Variants in DLC1 observed in about 807,000 individuals in gnomAD.
The protein encoded by DLC1 is rho GTPase-activating protein 7.
In DLC1, 54 loss-of-function variants were observed where a neutral mutation model predicts 140.3. The observed-to-expected ratio is 0.38, with a 90% confidence interval of 0.31 to 0.48. The LOEUF is 0.48. Among genes scored for constraint, DLC1 ranks in the 20% least tolerant of loss-of-function variants. The pLI is 0.96. For missense variants in DLC1, 2,536 were observed against 1,907.0 expected (o/e 1.33, Z -6.14); for synonymous variants, 986 against 728.1 (o/e 1.35, Z -5.70).
chr8:13,410,716 T>G (rs147767361), intron 2 of DLC1, among the ~76,000 whole-genome samples: 99 of 152,284 alleles, frequency 6.5e-4, no homozygotes, highest in African/African-American at 2.4e-3. Context: ...GATATATACT[T>G]GCTCTGGAGA....
At chr8:13,371,542 T>C (rs1216061499) in intron 4 of DLC1, among the ~76,000 whole-genome samples, 1 of 151,644 alleles carries the variant, frequency 6.6e-6, no homozygotes, top group Non-Finnish European at 1.5e-5. Context: ...TCCTCAAACA[T>C]GCGGTGGACT....
intron 5 of DLC1, among the ~76,000 whole-genome samples, chr8:13,259,210 C>A (rs1195393892): frequency 6.6e-6 from 1 of 151,056 alleles, no homozygotes; most frequent in African/African-American, 2.4e-5. Context: ...CACTCCATCA[C>A]TCCAGTGGCA....
intron 1 of DLC1, among the ~76,000 whole-genome samples, chr8:13,534,933 C>G (rs1265916787): frequency 6.6e-6 from 1 of 151,528 alleles, no homozygotes; most frequent in Admixed American, 6.6e-5. Flanking sequence ...ACTCCTCTAA[C>G]TGATGTAGTA....
At chr8:13,495,448 A>AT (rs1289856409) in intron 2 of DLC1, among the ~76,000 whole-genome samples, 1 of 152,168 alleles carries the variant, frequency 6.6e-6, no homozygotes, top group Non-Finnish European at 1.5e-5. Context: ...TGCTGGTCAT[A>AT]TGTCACCCAA....
At chr8:13,322,403 C>A (rs1378051273) in intron 4 of DLC1, among the ~76,000 whole-genome samples, 2 of 152,114 alleles carry the variant, frequency 1.3e-5, no homozygotes, top group Non-Finnish European at 2.9e-5. Flanking sequence ...TTTGTTTGTA[C>A]CCCCATAAAC....
chr8:13,365,797 T>C (rs925293760), intron 4 of DLC1, among the ~76,000 whole-genome samples: 1 of 152,056 alleles, frequency 6.6e-6, no homozygotes, highest in African/African-American at 2.4e-5. Flanking sequence ...ATCACTCAAC[T>C]GCTAATGGAA....
At chr8:13,520,974 A>G (rs1802747532) in intron 1 of DLC1, among the ~76,000 whole-genome samples, 1 of 152,182 alleles carries the variant, frequency 6.6e-6, no homozygotes, top group African/African-American at 2.4e-5. Context: ...AGTATGTTCA[A>G]GAAATGTTCC....
At chr8:13,290,976 T>C (rs1015280421) in intron 5 of DLC1, among the ~76,000 whole-genome samples, 22 of 152,180 alleles carry the variant, frequency 1.4e-4, no homozygotes, top group African/African-American at 5.3e-4. Context: ...TGGCGCGATC[T>C]TGGCTCCCTG....
intron 2 of DLC1, among the ~76,000 whole-genome samples, chr8:13,459,461 C>A (rs996591888): frequency 1.3e-5 from 2 of 152,192 alleles, no homozygotes; most frequent in Non-Finnish European, 1.5e-5. Context: ...TTCCTCGTAG[C>A]TGTATAATGA....
At chr8:13,254,116 G>T (rs1830116281) in intron 5 of DLC1, among the ~76,000 whole-genome samples, 1 of 151,726 alleles carries the variant, frequency 6.6e-6, no homozygotes, top group Non-Finnish European at 1.5e-5. Context: ...TCGGAATGTT[G>T]TGGTCATCTC....
chr8:13,526,052 G>C (rs1019208517), intron 1 of DLC1, among the ~76,000 whole-genome samples: 15 of 152,090 alleles, frequency 9.9e-5, no homozygotes, highest in Admixed American at 2.6e-4. Flanking sequence ...ACATGCAATT[G>C]TTCCAAAACC....
At chr8:13,549,343 A>G (rs1803769149) in intron 1 of DLC1, among the ~76,000 whole-genome samples, 1 of 152,138 alleles carries the variant, frequency 6.6e-6, no homozygotes, top group Admixed American at 6.6e-5. Context: ...TTAGGAGCTC[A>G]TTATCCCAAG....
At chr8:13,214,568 T>C in intron 5 of DLC1, 1 of 661,458 alleles carries the variant, frequency 1.5e-6, no homozygotes, top group South Asian at 1.8e-5. Flanking sequence ...TTTTTTTTTT[T>C]TTTTTTGTGG....
At position 13,100,559 on chromosome 8, in the gene DLC1, G is replaced by C; in HGVS notation, c.1778C>G (p.Ser593Cys). Residue 593 changes from serine (S) to cysteine (C), a missense_variant, in exon 9 of 18, where the codon TCC becomes TGC. Coordinates refer to ENST00000276297, the MANE Select transcript of DLC1 (RefSeq NM_182643.3). ...MDLSERQEVS[S>C]VRSLSSTGSL... ...GCCAGTGCTGCTGAGGCTGCGGACG[G>C]AAGACACCTCCTGGCGCTCGCTGAG... 6.2e-7 allele frequency: 1 copy of C among 1,613,484 alleles called. No homozygotes were observed. Among genetic ancestry groups the C allele is most frequent in the Non-Finnish European group, 8.5e-7 (1 of 1,179,890 alleles).
In DLC1 at chr8:13,315,627, C is replaced by G. The variant is rs988248741; in HGVS notation, c.1315-10325G>C. Among the ~76,000 whole-genome samples the G allele has an allele frequency of 3.9e-5, 6 of 152,262 alleles. No individual in the cohort carries two copies. The South Asian group carries it at 8.3e-4, about 21-fold the overall frequency. ...CCTCTCTCCTTAAATCACAGGAGCC[C>G]AACTCAATTTCTTCTATTCCATTGA... On this transcript the variant is annotated intron_variant, in intron 4 of 17. Coordinates refer to ENST00000276297, the MANE Select transcript of DLC1 (RefSeq NM_182643.3).
chr8:13,175,469 G>A (rs1002263833), intron 5 of DLC1, among the ~76,000 whole-genome samples: 2 of 152,046 alleles, frequency 1.3e-5, no homozygotes, highest in African/African-American at 4.8e-5. Context: ...AAACATTGCA[G>A]ATAGATGTTT....
chr8:13,495,118 G>A (rs1380668743), intron 2 of DLC1, among the ~76,000 whole-genome samples: 2 of 151,974 alleles, frequency 1.3e-5, no homozygotes, highest in African/African-American at 4.8e-5. Flanking sequence ...TTTGTAATAT[G>A]GATTATTTCT....
intron 5 of DLC1, among the ~76,000 whole-genome samples, chr8:13,155,924 G>A (rs1334766712): frequency 1.3e-5 from 2 of 151,918 alleles, no homozygotes; most frequent in Admixed American, 1.3e-4. Context: ...AAATGCACTG[G>A]AAACTCATTC....
In DLC1 at chr8:13,091,326, G is replaced by C. The variant is rs754132256; in HGVS notation, c.3847C>G (p.Leu1283Val). ...ACTTCTCAATTCCTTACCTGGAAAA[G>C]CTTCTTGCACTCGGCGATCATATGG... The part of the protein sequence containing the change: ...LAHMIAECKK[L>V]FQVPEEMSRC... Residue 1283 changes from leucine (L) to valine (V), a missense_variant, in exon 14 of 18, where the codon CTT becomes GTT. By Grantham distance (32) the Leu-to-Val change is conservative. Transcript: ENST00000276297. The C allele has an allele frequency of 1.9e-6, 3 of 1,613,866 alleles. No individual in the cohort carries two copies. The South Asian group carries it at 3.3e-5, about 18-fold the overall frequency.
Sources: gnomAD v4.1 joint callset for allele counts (sites outside exome capture counted in the v4.1 genomes callset) on GRCh38, gnomAD v4.1.1 for gene constraint, MANE v1.5 for transcripts, NCBI Gene and HGNC (gene_info 2026-07-23, HGNC 2026-07-21) for gene names.